PLEKHG5: variants seen among roughly 807,000 people sequenced by gnomAD.
PLEKHG5 encodes the protein pleckstrin homology domain-containing family G member 5.
A neutral mutation model predicts 103.8 loss-of-function variants in PLEKHG5; 52 were observed. The ratio of observed to expected loss-of-function variants is 0.50; its 90% CI spans 0.40 to 0.63. The LOEUF is 0.63. PLEKHG5 is among the 30% of genes least tolerant of loss of function. The pLI is 0.00. For missense variants in PLEKHG5, 1,205 were observed against 1,347.6 expected (o/e 0.89, Z 1.66); for synonymous variants, 592 against 575.5 (o/e 1.03, Z -0.41).
At chr1:6,480,722 C>T (rs1408988393) in intron 1 of PLEKHG5, among the ~76,000 whole-genome samples, 1 of 151,524 alleles carries the variant, frequency 6.6e-6, no homozygotes, top group East Asian at 2.0e-4. Context: ...AATCTCGGCT[C>T]ACTGCAACCT....
At chr1:6,517,934 T>C (rs1638668983) in intron 1 of PLEKHG5, among the ~76,000 whole-genome samples, 1 of 151,960 alleles carries the variant, frequency 6.6e-6, no homozygotes, top group Admixed American at 6.6e-5. Context: ...CGGATATATA[T>C]ATACATATAT....
intron 7 of PLEKHG5, 99 bp downstream of exon 7, chr1:6,473,914 G>A (rs192764304): frequency 2.5e-6 from 3 of 1,178,264 alleles, no homozygotes; most frequent in East Asian, 2.6e-5. Flanking sequence ...CCCAAGATGG[G>A]GCAGTGAGAG....
chr1:6,500,129 T>C (rs1006375235), upstream of PLEKHG5, among the ~76,000 whole-genome samples: 4 of 152,178 alleles, frequency 2.6e-5, no homozygotes, highest in Non-Finnish European at 4.4e-5. Context: ...TTTGCTCTCC[T>C]GAGACTATGA....
chr1:6,487,494 C>T lies in PLEKHG5; in HGVS notation c.-88+4143G>A, dbSNP rs1337097685. On this transcript the variant is annotated intron_variant, in intron 1 of 20. Coordinates refer to ENST00000377728, the MANE Select transcript of PLEKHG5 (RefSeq NM_020631.6). This position sits in a 1 kb window ranked among gnomAD's most constrained non-coding sequence, Gnocchi z 4.1. ...CCACCATGGCCGGGCTCCCGCCTCCCTCCCAGCTGGTCCGCACAGGGTCCA... is the reference window on the plus strand; with the variant it reads ...CCACCATGGCCGGGCTCCCGCCTCCTTCCCAGCTGGTCCGCACAGGGTCCA... 1.3e-5 allele frequency among the ~76,000 whole-genome samples: 2 copies of T among 152,214 alleles called. No individual in the cohort carries two copies. The highest frequency in any genetic ancestry group is 4.8e-5 in the African/African-American group (2 of 41,448).
intron 1 of PLEKHG5, among the ~76,000 whole-genome samples, chr1:6,478,825 G>A (rs1238502617): frequency 6.6e-6 from 1 of 152,022 alleles, no homozygotes; most frequent in Non-Finnish European, 1.5e-5. Flanking sequence ...TGTATTTTTA[G>A]TAGAGACGGA....
In PLEKHG5 at chr1:6,467,936, C is replaced by A. The variant is rs376606416; in HGVS notation, c.2900G>T (p.Arg967Met). The A allele has an allele frequency of 5.7e-6, 9 of 1,584,840 alleles. No individual in the cohort carries two copies. In the African/African-American group the frequency reaches 1.2e-4, roughly 21 times the overall value. Residue 967 changes from arginine to methionine, a missense_variant, in exon 20 of 21, where the codon AGG becomes ATG. Arg to Met is a moderately conservative substitution (Grantham distance 91). Transcript: ENST00000377728. Reference sequence around the variant, plus strand: ...CCCTGGTGGGGGCTCAGGCTGGACCCTGGGAGAGGCCCCCGAGGGCAGGTC... The same window carrying A: ...CCCTGGTGGGGGCTCAGGCTGGACCATGGGAGAGGCCCCCGAGGGCAGGTC... ...CGDLPSGASP[R>M]VQPEPPPGVS...
chr1:6,513,635 C>A (rs1638536047), intron 1 of PLEKHG5, among the ~76,000 whole-genome samples: 1 of 152,192 alleles, frequency 6.6e-6, no homozygotes, highest in African/African-American at 2.4e-5. Context: ...TCTCGAGGGC[C>A]AAGTCTGTCC....
Position 6,505,485 on chromosome 1 carries a change from C to T in PLEKHG5, c.-164-8916G>A, listed in dbSNP as rs563124969. 1.3e-5 allele frequency among the ~76,000 whole-genome samples: 2 copies of T among 152,274 alleles called. No homozygotes were observed. Among genetic ancestry groups the T allele is most frequent in the South Asian group, 4.1e-4 (2 of 4,824 alleles). ...ATTCACAGCTCCCCAACCTCTCACC[C>T]CCAGGAGCAGTCCAACGTCCCACCC... On this transcript the variant is annotated intron_variant, in intron 1 of 21. Coordinates refer to the PLEKHG5 transcript ENST00000377740. The surrounding 1 kb of genome is among the most constrained non-coding windows in gnomAD (Gnocchi z 4.2).
intron 2 of PLEKHG5, among the ~76,000 whole-genome samples, chr1:6,476,438 C>T (rs1450976087): frequency 6.6e-6 from 1 of 152,162 alleles, no homozygotes; most frequent in Non-Finnish European, 1.5e-5. Context: ...AGTGATCCAC[C>T]CACCTCAGCC....
At chr1:6,519,752 G>A (rs774566719) in exon 1 of PLEKHG5, 51 of 596,764 alleles carry the variant, frequency 8.5e-5, no homozygotes, top group Non-Finnish European at 1.2e-4. Flanking sequence ...TCCCCTGGGC[G>A]CTGTATATTT....
intron 6 of PLEKHG5, 93 bp downstream of exon 6, chr1:6,474,358 A>G (rs1256218933): frequency 6.9e-6 from 10 of 1,452,782 alleles, no homozygotes; most frequent in Non-Finnish European, 8.4e-6. Flanking sequence ...GCTCAGGCCC[A>G]CGACCAATGG....
At chr1:6,479,218 A>C (rs190794098) in intron 1 of PLEKHG5, among the ~76,000 whole-genome samples, 73 of 151,362 alleles carry the variant, frequency 4.8e-4, no homozygotes, top group Middle Eastern at 7.0e-3. Context: ...GTTCTTACAG[A>C]TATACTTCCT....
intron 7 of PLEKHG5, among the ~76,000 whole-genome samples, 192 bp from the exon 8 acceptor site, chr1:6,473,646 C>A (rs1644666402): frequency 1.3e-5 from 2 of 152,146 alleles, no homozygotes; most frequent in South Asian, 4.1e-4. Context: ...TACGCCCAGA[C>A]TATCATCCCC....
intron 1 of PLEKHG5, among the ~76,000 whole-genome samples, chr1:6,503,955 C>G (rs1638224965): frequency 6.6e-6 from 1 of 152,184 alleles, no homozygotes; most frequent in African/African-American, 2.4e-5. Context: ...TAAGAGAGCC[C>G]AGGGAGGGCC....
At chr1:6,473,978 C>G in intron 7 of PLEKHG5, 35 bp downstream of exon 7, 1 of 1,146,638 alleles carries the variant, frequency 8.7e-7, no homozygotes, top group Non-Finnish European at 1.3e-6. Flanking sequence ...GGGCCCCTTC[C>G]CACCCCCTCC....
chr1:6,475,519 G>T lies in PLEKHG5; in HGVS notation c.153C>A (p.Asp51Glu). Residue 51 changes from aspartate (D) to glutamate (E), a missense_variant, in exon 4 of 21, where the codon GAC (aspartate) becomes GAA (glutamate). Physicochemically the swap from Asp to Glu is conservative, Grantham distance 45 (BLOSUM62 2). Coordinates refer to ENST00000377728, the MANE Select transcript of PLEKHG5 (RefSeq NM_020631.6). ...AGAGTTTCAGGCCTGTGCTCTTCCG[G>T]TCCCTGCAGGGAAGCGAGGAGGGCA... ...EEESSVDGKG[D>E]RKSTGLKLSK... 6.2e-7 allele frequency: 1 copy of T among 1,613,332 alleles called. No individual in the cohort carries two copies. Among genetic ancestry groups the T allele is most frequent in the Non-Finnish European group, 8.5e-7 (1 of 1,179,816 alleles).
chr1:6,499,109 G>A (rs1160604505), upstream of PLEKHG5, among the ~76,000 whole-genome samples: 1 of 152,188 alleles, frequency 6.6e-6, no homozygotes, highest in Non-Finnish European at 1.5e-5. Context: ...CGCCCAGAAA[G>A]TTTCCAGGCC....
At chr1:6,500,378 C>G (rs935226320), upstream of PLEKHG5, among the ~76,000 whole-genome samples, 2 of 152,104 alleles carry the variant, frequency 1.3e-5, no homozygotes, top group African/African-American at 4.8e-5. Context: ...CTCGGGGTGG[C>G]AGGGGGGCGG....
chr1:6,493,038 C>T (rs938617014), upstream of PLEKHG5, among the ~76,000 whole-genome samples: 1 of 152,154 alleles, frequency 6.6e-6, no homozygotes, highest in Admixed American at 6.5e-5. Flanking sequence ...CCAGGAAGCC[C>T]ATCCTGGTTA....
Sources: gnomAD v4.1 joint callset for allele counts (sites outside exome capture counted in the v4.1 genomes callset) on GRCh38, gnomAD v4.1.1 for gene constraint, Gnocchi (gnomAD v3.1) non-coding constraint, MANE v1.5 for transcripts, NCBI Gene and HGNC (gene_info 2026-07-23, HGNC 2026-07-21) for gene names.